Variants in SPIN1 observed in about 807,000 individuals in gnomAD.
The protein encoded by SPIN1 is spindlin-1.
SPIN1 carries 3 observed loss-of-function variants against 26.0 expected under a neutral mutation model. The observed-to-expected ratio is 0.12, with a 90% CI of 0.05 to 0.30. The LOEUF is 0.30. Ranked by LOEUF, SPIN1 falls within the 10% of genes least tolerant of loss-of-function variation. SPIN1 has a pLI of 1.00. For missense variants in SPIN1, 126 were observed against 333.4 expected (o/e 0.38, Z 4.84); for synonymous variants, 101 against 116.5 (o/e 0.87, Z 0.86).
At chr9:88,474,981 G>T (rs1250992056) in intron 5 of SPIN1, 97 bp from the exon 6 acceptor site, 1 of 1,244,178 alleles carries the variant, frequency 8.0e-7, no homozygotes, top group Non-Finnish European at 1.1e-6. Flanking sequence ...TTTTTTTTAA[G>T]TTATGAAAAT....
At chr9:88,438,183 A>G (rs976499661) in intron 2 of SPIN1, among the ~76,000 whole-genome samples, 5 of 152,158 alleles carry the variant, frequency 3.3e-5, no homozygotes, top group African/African-American at 1.2e-4. Context: ...ATTGCTATAA[A>G]TTAATTCATT....
chr9:88,408,385 T>C (rs1205098710), intron 1 of SPIN1, among the ~76,000 whole-genome samples: 1 of 146,156 alleles, frequency 6.8e-6, no homozygotes, highest in African/African-American at 2.5e-5. Flanking sequence ...TCTTTTTTTT[T>C]TTTTTTTTTT....
intron 5 of SPIN1, among the ~76,000 whole-genome samples, chr9:88,471,828 C>CT (rs200130156): frequency 3.4e-4 from 50 of 149,178 alleles, no homozygotes; most frequent in Non-Finnish European, 6.4e-4. Flanking sequence ...TTGAGTCCTG[C>CT]TTTTTTTTTT....
chr9:88,397,908 G>A (rs773312527), intron 1 of SPIN1, among the ~76,000 whole-genome samples: 3 of 151,508 alleles, frequency 2.0e-5, no homozygotes. Context: ...ACAGGTGTGA[G>A]CCACCGTGCC....
intron 1 of SPIN1, among the ~76,000 whole-genome samples, chr9:88,401,621 A>G (rs537734215): frequency 6.6e-6 from 1 of 152,356 alleles, no homozygotes; most frequent in South Asian, 2.1e-4. Flanking sequence ...GAATAACTAC[A>G]AGGAAAAAAC....
rs572382340 is a variant in SPIN1 at position 88,439,793 on chromosome 9, G to C, written c.53-9148G>C. Among the ~76,000 whole-genome samples, 3 of 152,040 alleles carry C rather than the reference G, an allele frequency of 2.0e-5. No homozygotes were observed. The South Asian group carries it at 6.2e-4, about 32-fold the overall frequency. On this transcript the variant is annotated intron_variant, in intron 2 of 5. Transcript: ENST00000375859. ...CTCTGCTTTTTCTAAAATTCATATA[G>C]CTTCCCACTTTCTTTTGATTATTGG...
intron 3 of SPIN1, among the ~76,000 whole-genome samples, chr9:88,455,662 A>C (rs1174847480): frequency 6.6e-6 from 1 of 152,142 alleles, no homozygotes. Flanking sequence ...CATATTTTTT[A>C]CACTTGTGGG....
intron 1 of SPIN1, among the ~76,000 whole-genome samples, chr9:88,400,567 C>T (rs1229983797): frequency 1.3e-5 from 2 of 152,128 alleles, no homozygotes; most frequent in Non-Finnish European, 2.9e-5. Context: ...TATATTTGGC[C>T]TGGCGTGATG....
chr9:88,425,328 C>T (rs1827744314), intron 1 of SPIN1, among the ~76,000 whole-genome samples: 1 of 152,070 alleles, frequency 6.6e-6, no homozygotes, highest in Non-Finnish European at 1.5e-5. Context: ...CTCTCTACAT[C>T]ATTGAGTGGT....
At chr9:88,467,056 T>C (rs1166811469) in intron 4 of SPIN1, among the ~76,000 whole-genome samples, 1 of 152,114 alleles carries the variant, frequency 6.6e-6, no homozygotes, top group African/African-American at 2.4e-5. Context: ...TGTTTGTTTG[T>C]TTGTTTGTTT....
rs559909745 is a variant in SPIN1 at position 88,472,337 on chromosome 9, C to T, written c.590-2741C>T. ...GCAGCCTCTGCCTCTCAGGTTCCAG[C>T]GATTCTCCTGCCTCAGCCTCCCGGG... On this transcript the variant is annotated intron_variant, in intron 5 of 5. Coordinates refer to ENST00000375859, the MANE Select transcript of SPIN1 (RefSeq NM_006717.3). Among the ~76,000 whole-genome samples, 58 of 152,244 alleles carry T rather than the reference C, an allele frequency of 3.8e-4. 1 individual carries two copies. Among genetic ancestry groups the T allele is most frequent in the African/African-American group, 1.3e-3 (54 of 41,548 alleles).
At chr9:88,412,598 C>A (rs1827472876) in intron 1 of SPIN1, among the ~76,000 whole-genome samples, 1 of 152,114 alleles carries the variant, frequency 6.6e-6, no homozygotes, top group South Asian at 2.1e-4. Context: ...GAATGAAATA[C>A]ATAGGATCAC....
chr9:88,400,711 T>G (rs114762737), intron 1 of SPIN1, among the ~76,000 whole-genome samples: 2,921 of 152,248 alleles, frequency 0.019, 70 homozygotes, highest in African/African-American at 0.063. Flanking sequence ...GCGGATATCA[T>G]GGCCCATGCC....
Position 88,477,046 on chromosome 9 carries a change from C to G in SPIN1, c.*1769C>G, listed in dbSNP as rs920190214. On this transcript the variant is annotated 3_prime_UTR_variant, in exon 6 of 6. Transcript: ENST00000375859. ...TTTTCTGTCCACAGCTGCAGTCGCTCTGTCCCTCGTGCTTCACTGTGGGCA... is the reference window on the plus strand; with the variant it reads ...TTTTCTGTCCACAGCTGCAGTCGCTGTGTCCCTCGTGCTTCACTGTGGGCA... 2 of 152,240 alleles carry G rather than the reference C, an allele frequency of 1.3e-5. No individual in the cohort carries two copies. The highest frequency in any genetic ancestry group is 4.8e-5 in the African/African-American group (2 of 41,464). 9.4% of individuals were successfully genotyped at this position (152,240 alleles called of 1,614,324 possible).
At chr9:88,433,002 A>G (rs1365452952) in intron 2 of SPIN1, among the ~76,000 whole-genome samples, 1 of 149,792 alleles carries the variant, frequency 6.7e-6, no homozygotes, top group Non-Finnish European at 1.5e-5. Flanking sequence ...AGGCACATGT[A>G]CCACTGCATC....
intron 5 of SPIN1, 77 bp from the exon 6 acceptor site, chr9:88,475,001 A>G: frequency 7.6e-7 from 1 of 1,312,414 alleles, no homozygotes; most frequent in East Asian, 2.6e-5. Context: ...TAAATATGTG[A>G]GTTGATTTAT....
intron 1 of SPIN1, among the ~76,000 whole-genome samples, chr9:88,405,868 C>T (rs906513327): frequency 3.3e-5 from 5 of 151,222 alleles, no homozygotes; most frequent in African/African-American, 9.7e-5. Flanking sequence ...GACAGGGTCT[C>T]GCTCTGGCCA....
chr9:88,426,658 A>C (rs1455884962), intron 2 of SPIN1, 67 bp downstream of exon 2: 7 of 1,426,200 alleles, frequency 4.9e-6, no homozygotes, highest in Non-Finnish European at 6.7e-6. Context: ...AACAAGTGTA[A>C]AATTGGGTAC....
chr9:88,446,592 GAA>G lies in SPIN1; in HGVS notation c.53-2347_53-2346del, dbSNP rs538426177. ...TGGCTAATTTTTTGTATTTTTAGTA[GAA>G]ACAGGGTTTCACCATGTTAGCCAGG... On this transcript the variant is annotated intron_variant, in intron 2 of 5. Transcript: ENST00000375859. 3.6e-4 allele frequency among the ~76,000 whole-genome samples: 55 copies of G among 151,960 alleles called. No individual in the cohort carries two copies. In the East Asian group the frequency reaches 9.5e-3, roughly 26 times the overall value.
Sources: gnomAD v4.1 joint callset for allele counts (sites outside exome capture counted in the v4.1 genomes callset) on GRCh38, gnomAD v4.1.1 for gene constraint, MANE v1.5 for transcripts, NCBI Gene and HGNC (gene_info 2026-07-23, HGNC 2026-07-21) for gene names.